Variants in KCNQ5 observed in about 807,000 individuals in gnomAD.
KCNQ5 encodes potassium voltage-gated channel subfamily KQT member 5.
A neutral mutation model predicts 98.2 loss-of-function variants in KCNQ5; 30 were observed. The ratio of observed to expected loss-of-function variants is 0.31; its 90% confidence interval spans 0.23 to 0.41. The LOEUF (loss-of-function observed/expected upper bound fraction) is 0.41. KCNQ5 is among the 10% of genes least tolerant of loss of function. KCNQ5 has a pLI of 1.00. For missense variants in KCNQ5, 835 were observed against 1,182.5 expected, an observed-to-expected ratio of 0.71 and a Z score of 4.31; for synonymous variants, 458 against 449.4, an observed-to-expected ratio of 1.02 and a Z score of -0.24.
At chr6:72,710,310 G>A (rs1408950437) in intron 1 of KCNQ5, among the ~76,000 whole-genome samples, 1 of 152,170 alleles carries the variant, frequency 6.6e-6, no homozygotes, top group Non-Finnish European at 1.5e-5. Context: ...GCATTGGTAA[G>A]TTCTTACCAT....
At chr6:72,680,901 T>G (rs1011608220) in intron 1 of KCNQ5, among the ~76,000 whole-genome samples, 1 of 152,054 alleles carries the variant, frequency 6.6e-6, no homozygotes, top group African/African-American at 2.4e-5. Flanking sequence ...TTGTAGGGAG[T>G]TTTGTGATCT....
intron 5 of KCNQ5, among the ~76,000 whole-genome samples, chr6:73,081,210 A>T (rs1773751973): frequency 6.6e-6 from 1 of 152,200 alleles, no homozygotes; most frequent in African/African-American, 2.4e-5. Context: ...CTGGGTTCTG[A>T]TGTGGCAACT....
At chr6:72,839,029 A>G (rs2150131295) in intron 1 of KCNQ5, among the ~76,000 whole-genome samples, 1 of 151,440 alleles carries the variant, frequency 6.6e-6, no homozygotes, top group Non-Finnish European at 1.5e-5. Context: ...GGATTGCCAA[A>G]TAATGTTTTA....
chr6:72,625,491 C>A (rs1543621), intron 1 of KCNQ5, among the ~76,000 whole-genome samples: 5 of 151,968 alleles, frequency 3.3e-5, no homozygotes, highest in Non-Finnish European at 7.4e-5. Context: ...TTTTTAATTC[C>A]TCCTTGTTTA....
At chr6:73,045,154 T>A (rs1771904737) in intron 3 of KCNQ5, among the ~76,000 whole-genome samples, 1 of 152,190 alleles carries the variant, frequency 6.6e-6, no homozygotes, top group African/African-American at 2.4e-5. Context: ...CCACCTTCCT[T>A]ACCCCTGCAC....
chr6:72,905,217 C>T (rs911435760), intron 1 of KCNQ5, among the ~76,000 whole-genome samples: 1 of 152,036 alleles, frequency 6.6e-6, no homozygotes, highest in Non-Finnish European at 1.5e-5. Flanking sequence ...CCGATGCTTC[C>T]GGAAGTTTTG....
At chr6:72,684,711 G>T (rs1398189442) in intron 1 of KCNQ5, among the ~76,000 whole-genome samples, 2 of 152,166 alleles carry the variant, frequency 1.3e-5, no homozygotes, top group African/African-American at 2.4e-5. Context: ...GAAAGTTTTA[G>T]TTCACTAGTT....
At chr6:72,911,668 T>G (rs1779945708) in intron 1 of KCNQ5, among the ~76,000 whole-genome samples, 1 of 151,960 alleles carries the variant, frequency 6.6e-6, no homozygotes, top group Non-Finnish European at 1.5e-5. Flanking sequence ...TGTTGAGAAA[T>G]CCAGGCAGGA....
At chr6:72,830,607 G>A (rs113991546) in intron 1 of KCNQ5, among the ~76,000 whole-genome samples, 4,696 of 152,244 alleles carry the variant, frequency 0.031, 99 homozygotes, top group African/African-American at 0.057. Flanking sequence ...AGACTTAAAT[G>A]TTAGACCTAA....
chr6:72,898,437 G>C (rs981269267), intron 1 of KCNQ5, among the ~76,000 whole-genome samples: 2 of 152,078 alleles, frequency 1.3e-5, no homozygotes, highest in African/African-American at 4.8e-5. Flanking sequence ...TTGGTTTTCT[G>C]TTCCTGTGTT....
intron 9 of KCNQ5, among the ~76,000 whole-genome samples, chr6:73,127,170 T>C (rs1776023641): frequency 1.3e-5 from 2 of 152,124 alleles, no homozygotes; most frequent in Non-Finnish European, 1.5e-5. Context: ...TATCACAAAG[T>C]AAAATGCATT....
chr6:72,622,665 C>G lies in KCNQ5; in HGVS notation c.398+78C>G, dbSNP rs891831849. ...CCCCCTGGGGCGTGCTCCGCGCTCG[C>G]GCCCTTGGGCCCCCGCGCGCGTGCA... On this transcript the variant is annotated intron_variant, in intron 1 of 13. Transcript: ENST00000370398. The surrounding 1 kb of genome is among the most constrained non-coding windows in gnomAD (Gnocchi z 6.0). 76 of 1,526,934 alleles carry G rather than the reference C, an allele frequency of 5.0e-5. No homozygotes were observed. The highest frequency in any genetic ancestry group is 6.8e-5 in the Non-Finnish European group (76 of 1,124,742). The allele number at this position is 1,526,934 out of a possible 1,614,324, so 94.6% of individuals were successfully genotyped here. A position where few individuals can be genotyped will look rare whatever the true frequency, so the allele number is the denominator to read the frequency against.
intron 3 of KCNQ5, among the ~76,000 whole-genome samples, chr6:73,063,329 C>T (rs1213641639): frequency 1.3e-5 from 2 of 152,138 alleles, no homozygotes; most frequent in South Asian, 2.1e-4. Context: ...ATGTGTTTCA[C>T]CGCCTGACCT....
chr6:72,774,571 T>G (rs1773068018), intron 1 of KCNQ5, among the ~76,000 whole-genome samples: 1 of 151,718 alleles, frequency 6.6e-6, no homozygotes, highest in South Asian at 2.1e-4. Context: ...ATATTCAAAA[T>G]ACATATATTC....
chr6:72,692,876 G>A (rs538387504), intron 1 of KCNQ5, among the ~76,000 whole-genome samples: 1 of 152,306 alleles, frequency 6.6e-6, no homozygotes, highest in African/African-American at 2.4e-5. Flanking sequence ...ACATACTGTA[G>A]AAGGTTTTGT....
chr6:72,920,877 A>G (rs964093079), intron 1 of KCNQ5, among the ~76,000 whole-genome samples: 1 of 152,128 alleles, frequency 6.6e-6, no homozygotes, highest in Non-Finnish European at 1.5e-5. Context: ...ATGTAATCTT[A>G]GGCTGTACAT....
intron 1 of KCNQ5, among the ~76,000 whole-genome samples, chr6:72,955,238 T>C (rs1177220162): frequency 6.6e-6 from 1 of 152,160 alleles, no homozygotes; most frequent in Non-Finnish European, 1.5e-5. Context: ...TTCTTATCAT[T>C]GTGTAGTCTG....
At chr6:72,718,445 CTTTTTTTTT>C (rs1032425332) in intron 1 of KCNQ5, among the ~76,000 whole-genome samples, 17 of 71,450 alleles carry the variant, frequency 2.4e-4, no homozygotes, top group Non-Finnish European at 3.6e-4. Context: ...CCTTTCTGCT[CTTTTTTTTT>C]TTTTTTTTTT....
At chr6:72,715,834 T>C (rs1769618905) in intron 1 of KCNQ5, among the ~76,000 whole-genome samples, 1 of 152,186 alleles carries the variant, frequency 6.6e-6, no homozygotes, top group Non-Finnish European at 1.5e-5. Flanking sequence ...CTGAATAATA[T>C]AATCTCCATT....
Sources: gnomAD v4.1 joint callset for allele counts (sites outside exome capture counted in the v4.1 genomes callset) on GRCh38, gnomAD v4.1.1 for gene constraint, Gnocchi (gnomAD v3.1) non-coding constraint, MANE v1.5 for transcripts, NCBI Gene and HGNC (gene_info 2026-07-23, HGNC 2026-07-21) for gene names.